Variants in ST6GALNAC1 observed in about 807,000 individuals in gnomAD.
ST6GALNAC1 encodes the protein ST6 N-acetylgalactosaminide alpha-2,6-sialyltransferase 1, also known as alpha-N-acetylgalactosaminide alpha-2,6-sialyltransferase 1.
Under a neutral mutation model 56.8 loss-of-function variants are expected in ST6GALNAC1, and 45 were observed. The ratio of observed to expected loss-of-function variants is 0.79; its 90% confidence interval spans 0.62 to 1.02. ST6GALNAC1 has a LOEUF of 1.02. ST6GALNAC1 is among the 50% of genes least tolerant of loss of function. The pLI, the probability that ST6GALNAC1 is intolerant of heterozygous loss-of-function variation, is 0.00. For synonymous variants in ST6GALNAC1, 295 were observed against 297.8 expected, an observed-to-expected ratio of 0.99 and a Z score of 0.10; for missense variants, 743 against 754.8, an observed-to-expected ratio of 0.98 and a Z score of 0.18.
chr17:76,621,991 G>A (rs1467627630), downstream of ST6GALNAC1, among the ~76,000 whole-genome samples: 2 of 148,290 alleles, frequency 1.3e-5, no homozygotes, highest in African/African-American at 2.5e-5. Flanking sequence ...AGAGACCAGG[G>A]TCTTGTTATG....
chr17:76,637,088 A>C (rs1271725379), intron 1 of ST6GALNAC1, among the ~76,000 whole-genome samples: 1 of 151,900 alleles, frequency 6.6e-6, no homozygotes, highest in African/African-American at 2.4e-5. Context: ...GTTAAGAGTC[A>C]TCACCACTCC....
At chr17:76,643,444 G>A (rs1243091044) in intron 1 of ST6GALNAC1, 64 bp downstream of exon 1, 1 of 1,579,944 alleles carries the variant, frequency 6.3e-7, no homozygotes, top group Middle Eastern at 1.7e-4. Context: ...TCCTCCCTGG[G>A]CTATCATTTT....
intron 1 of ST6GALNAC1, among the ~76,000 whole-genome samples, chr17:76,637,131 C>G (rs181337760): frequency 0.044 from 6,608 of 151,770 alleles, 243 homozygotes; most frequent in African/African-American, 0.099. Context: ...ACAAACACTG[C>G]GGAAGGCCGC....
At chr17:76,618,015 G>T in the ST6GALNAC1 span, among the ~76,000 whole-genome samples, 1 of 152,340 alleles carries the variant, frequency 6.6e-6, no homozygotes, top group Non-Finnish European at 1.5e-5. Flanking sequence ...TTCCAGGCAA[G>T]AGTGGCTTGT....
rs1268593028 is a variant in ST6GALNAC1, at chr17:76,627,597, G to T, written c.832-14C>A. On this transcript the variant is annotated splice_polypyrimidine_tract_variant and intron_variant, in intron 2 of 8. Transcript: ENST00000156626. The surrounding 1 kb of genome is among the most constrained non-coding windows in gnomAD (Gnocchi z 4.4). Reference sequence around the variant, plus strand: ...GTCAGGGCAAGTCTATATACAGGAGGACGAAGTCAGGAAGGGAGAGACCCA... The same window carrying T: ...GTCAGGGCAAGTCTATATACAGGAGTACGAAGTCAGGAAGGGAGAGACCCA... 1.1e-5 allele frequency: 17 copies of T among 1,612,618 alleles called. No homozygotes were observed. The highest frequency in any genetic ancestry group is 1.4e-5 in the Non-Finnish European group (17 of 1,179,334).
chr17:76,631,692 G>A (rs913976596), intron 1 of ST6GALNAC1, among the ~76,000 whole-genome samples: 1 of 152,028 alleles, frequency 6.6e-6, no homozygotes, highest in Non-Finnish European at 1.5e-5. Context: ...CTGTACTGGG[G>A]ACTGTGGACT....
chr17:76,635,829 TCA>T (rs1216837586), intron 1 of ST6GALNAC1, among the ~76,000 whole-genome samples: 1 of 152,168 alleles, frequency 6.6e-6, no homozygotes, highest in East Asian at 1.9e-4. Context: ...TTTAAGAGGC[TCA>T]CAGTCTATAA....
the ST6GALNAC1 span, among the ~76,000 whole-genome samples, chr17:76,618,365 A>G: frequency 6.6e-6 from 1 of 152,274 alleles, no homozygotes; most frequent in East Asian, 1.9e-4. Context: ...AGATTCTTTA[A>G]TCTTCCCCTT....
At position 76,625,391 on chromosome 17, in the gene ST6GALNAC1, T is replaced by G; in HGVS notation, c.1742A>C (p.Asp581Ala). The G allele has an allele frequency of 6.2e-7, 1 of 1,614,188 alleles. No individual in the cohort carries two copies. Residue 581 changes from aspartate (D) to alanine (A), a missense_variant, in exon 9 of 9, where the codon GAT becomes GCT. Transcript: ENST00000156626. ...CTGGTACAGCCGGATTATCCCTTCA[T>G]CGTGTAGCCGCTTCCAGACTTCTCT... ...LEREVWKRLHDEGIIRLYQRP... is the reference protein window; with the variant it reads ...LEREVWKRLHAEGIIRLYQRP...
chr17:76,634,822 T>C (rs2075956705), intron 1 of ST6GALNAC1, among the ~76,000 whole-genome samples: 1 of 152,072 alleles, frequency 6.6e-6, no homozygotes, highest in South Asian at 2.1e-4. Context: ...AGGCAGAGGT[T>C]GCAGTGAGCT....
At position 76,625,812 on chromosome 17, in the gene ST6GALNAC1, G is replaced by T. The variant is rs780931359; in HGVS notation, c.1605+7C>A. The T allele has an allele frequency of 2.0e-6, 3 of 1,528,712 alleles. No individual in the cohort carries two copies. The East Asian group carries it at 6.8e-5, about 34-fold the overall frequency. 94.7% of individuals were successfully genotyped at this position (1,528,712 alleles called of 1,614,324 possible). Reference sequence around the variant, plus strand: ...CAGGTATTTCTGCAGCTGCAGTGGAGCCTTACCTGGTCACAGAGCTGAAGG... The same window carrying T: ...CAGGTATTTCTGCAGCTGCAGTGGATCCTTACCTGGTCACAGAGCTGAAGG... On this transcript the variant is annotated splice_region_variant and intron_variant, in intron 8 of 8. Coordinates refer to ENST00000156626, the MANE Select transcript of ST6GALNAC1 (RefSeq NM_018414.5).
At position 76,626,401 on chromosome 17, in the gene ST6GALNAC1, C is replaced by A. The variant is rs1179207684; in HGVS notation, c.1312-9G>T. 1.9e-6 allele frequency: 3 copies of A among 1,613,572 alleles called. No homozygotes were observed. The highest frequency in any genetic ancestry group is 2.5e-6 in the Non-Finnish European group (3 of 1,179,724). On this transcript the variant is annotated splice_polypyrimidine_tract_variant and intron_variant, in intron 5 of 8. Transcript: ENST00000156626. ...TGCAAGTAGCGGACGTCCTGAGGAC[C>A]AAGGACAGGGAGTGGTCCAAAAGTA...
intron 1 of ST6GALNAC1, among the ~76,000 whole-genome samples, chr17:76,631,392 C>T (rs974041157): frequency 3.3e-5 from 5 of 151,968 alleles, no homozygotes; most frequent in African/African-American, 4.8e-5. Flanking sequence ...TGGAGCATCC[C>T]GAAAAGGCTA....
At position 76,627,159 on chromosome 17, in the gene ST6GALNAC1, G is replaced by T. The variant is rs1220334593; in HGVS notation, c.1080C>A (p.Leu360=). 6.2e-7 allele frequency: 1 copy of T among 1,605,172 alleles called. No homozygotes were observed. The highest frequency in any genetic ancestry group is 1.7e-5 in the Admixed American group (1 of 58,750). ...CCACCACGGCACAGGTGATGCACCG[G>T]AGGCTCCCAGCGGGGAGGCTGGCCA... ...LLLASLPAGS[L]RCITCAVVGN... Residue 360 remains leucine, a synonymous_variant, in exon 4 of 9, where the codon CTC becomes CTA. Transcript: ENST00000156626. This position sits in a 1 kb window ranked among gnomAD's most constrained non-coding sequence, Gnocchi z 4.4.
chr17:76,619,358 C>T, the ST6GALNAC1 span, among the ~76,000 whole-genome samples: 8 of 152,274 alleles, frequency 5.3e-5, no homozygotes, highest in Admixed American at 2.0e-4. Flanking sequence ...TGTATGTATA[C>T]GTGTGTGCAT....
chr17:76,626,488 C>T lies in ST6GALNAC1; in HGVS notation c.1312-96G>A, dbSNP rs1002328731. The T allele has an allele frequency of 4.6e-6, 7 of 1,508,356 alleles. No individual in the cohort carries two copies. The African/African-American group carries it at 9.6e-5, about 21-fold the overall frequency. 93.4% of individuals were successfully genotyped at this position (1,508,356 alleles called of 1,614,324 possible). A position where few individuals can be genotyped will look rare whatever the true frequency, so the allele number is the denominator to read the frequency against. On this transcript the variant is annotated intron_variant, in intron 5 of 8. Transcript: ENST00000156626. ...TGACTCCGACTGCCCACTTGCTCTG[C>T]TCTGGACTGGTCTGACTGTCCTCCC...
Position 76,627,408 on chromosome 17 carries a change from G to A in ST6GALNAC1, c.1000+7C>T, listed in dbSNP as rs755786305. ...CACCCACACCTTCCCCTGGGTTAAG[G>A]ACTCACAGGAGTAGTTGAGCTCCAT... On this transcript the variant is annotated splice_region_variant and intron_variant, in intron 3 of 8. Transcript: ENST00000156626. The surrounding 1 kb of genome is among the most constrained non-coding windows in gnomAD (Gnocchi z 4.4). The A allele has an allele frequency of 1.2e-6, 2 of 1,613,918 alleles. No homozygotes were observed. Among genetic ancestry groups the A allele is most frequent in the Admixed American group, 1.7e-5 (1 of 59,992 alleles).
Position 76,626,345 on chromosome 17 carries a change from C to A in ST6GALNAC1, c.1359G>T (p.Trp453Cys). The change falls in exon 6 of 9, where the codon TGG (tryptophan) becomes TGT (cysteine). Residue 453 changes from tryptophan (W) to cysteine (C), a missense_variant. Coordinates refer to ENST00000156626, the MANE Select transcript of ST6GALNAC1 (RefSeq NM_018414.5). ...TCTGATTCATAAGCAGTGCTTCCAG[C>A]CACTCATAGTCCCGGGTGCCTTCCA... ...HFLEGTRDYE[W>C]LEALLMNQTV... 6.2e-7 allele frequency: 1 copy of A among 1,614,186 alleles called. No homozygotes were observed. The highest frequency in any genetic ancestry group is 8.5e-7 in the Non-Finnish European group (1 of 1,180,036).
intron 1 of ST6GALNAC1, among the ~76,000 whole-genome samples, chr17:76,630,793 G>A (rs1217209492): frequency 6.7e-6 from 1 of 149,544 alleles, no homozygotes; most frequent in Non-Finnish European, 1.5e-5. Flanking sequence ...GTTTCACCAT[G>A]TTGGCCAGAA....
Sources: allele counts gnomAD v4.1 joint callset (sites outside exome capture counted in the v4.1 genomes callset), GRCh38; gene constraint gnomAD v4.1.1; non-coding constraint Gnocchi (gnomAD v3.1); transcripts MANE v1.5; gene names NCBI Gene and HGNC (gene_info 2026-07-23, HGNC 2026-07-21).